The following PPP2R2C variants were observed in gnomAD, a reference collection of about 807,000 sequenced individuals.
The protein encoded by PPP2R2C is protein phosphatase 2 regulatory subunit Bgamma.
Under a neutral mutation model 45.3 loss-of-function variants are expected in PPP2R2C, and 10 were observed. The observed-to-expected ratio is 0.22, with a 90% CI of 0.14 to 0.37. PPP2R2C has a LOEUF of 0.37. Among genes scored for constraint, PPP2R2C ranks in the 10% least tolerant of loss-of-function variants. The pLI is 1.00. For synonymous variants in PPP2R2C, 257 were observed against 245.4 expected (o/e 1.05, Z -0.44); for missense variants, 308 against 619.7 (o/e 0.50, Z 5.34).
At chr4:6,367,515 C>A (rs961103809) in intron 5 of PPP2R2C, among the ~76,000 whole-genome samples, 3 of 152,288 alleles carry the variant, frequency 2.0e-5, no homozygotes, top group Non-Finnish European at 4.4e-5. Context: ...CAGCCAGAAT[C>A]CACCCCACTG....
At position 6,511,541 on chromosome 4, in the gene PPP2R2C, T is replaced by C. The variant is rs1240640340; in HGVS notation, c.49+23730A>G. Among the ~76,000 whole-genome samples the C allele has an allele frequency of 9.6e-4, 31 of 32,176 alleles. 1 individual carries two copies. The highest frequency in any genetic ancestry group is 2.2e-3 in the African/African-American group (25 of 11,144). 21.1% of individuals were successfully genotyped at this position (32,176 alleles called of 152,430 possible). ...GTGGTGGTGATGGTGGTGGTGGTGG[T>C]GGTGATGGTGGTGGTGGTGGTGGTG... On this transcript the variant is annotated intron_variant, in intron 2 of 9. Coordinates refer to the PPP2R2C transcript ENST00000506140.
intron 1 of PPP2R2C, among the ~76,000 whole-genome samples, chr4:6,390,743 C>T (rs1460432475): frequency 1.3e-5 from 2 of 152,196 alleles, no homozygotes; most frequent in East Asian, 3.9e-4. Context: ...GCCGCAGGGC[C>T]ACCGGGGTCA....
At chr4:6,501,683 C>T (rs143163671) in intron 2 of PPP2R2C, among the ~76,000 whole-genome samples, 22 of 152,308 alleles carry the variant, frequency 1.4e-4, no homozygotes, top group African/African-American at 4.3e-4. Context: ...GGAAGGCATG[C>T]GTGTTGGCCC....
intron 1 of PPP2R2C, among the ~76,000 whole-genome samples, chr4:6,385,818 C>T (rs943955189): frequency 2.6e-5 from 4 of 152,118 alleles, no homozygotes; most frequent in Non-Finnish European, 5.9e-5. Context: ...CTGCCCACCT[C>T]GACCTCCCAA....
At chr4:6,422,582 G>T (rs1008990955) in intron 1 of PPP2R2C, among the ~76,000 whole-genome samples, 1 of 152,190 alleles carries the variant, frequency 6.6e-6, no homozygotes, top group South Asian at 2.1e-4. Flanking sequence ...GGTGTCAGCA[G>T]GATGGTTTCT....
At chr4:6,347,786 A>AC in intron 6 of PPP2R2C, 60 bp downstream of exon 6, 2 of 1,409,216 alleles carry the variant, frequency 1.4e-6, no homozygotes, top group Non-Finnish European at 1.9e-6. Context: ...CCAGGACAGG[A>AC]CATCCCACCC....
At chr4:6,504,008 T>C (rs1723141037) in intron 2 of PPP2R2C, among the ~76,000 whole-genome samples, 1 of 152,216 alleles carries the variant, frequency 6.6e-6, no homozygotes, top group African/African-American at 2.4e-5. Context: ...AAATGTTTCA[T>C]GCTTTGTGGC....
intron 5 of PPP2R2C, among the ~76,000 whole-genome samples, chr4:6,363,212 G>A (rs996300074): frequency 1.3e-5 from 2 of 152,190 alleles, no homozygotes; most frequent in South Asian, 2.1e-4. Flanking sequence ...TTGTGTGCTG[G>A]TAACTTGAAC....
chr4:6,511,242 GGTGAT>G (rs1723443760), intron 2 of PPP2R2C, among the ~76,000 whole-genome samples: 2 of 101,110 alleles, frequency 2.0e-5, no homozygotes, highest in Non-Finnish European at 3.8e-5. Flanking sequence ...TCGTTCCGCT[GGTGAT>G]GCTGATGCTG....
chr4:6,357,451 C>T (rs1713309958), intron 5 of PPP2R2C, among the ~76,000 whole-genome samples: 2 of 152,228 alleles, frequency 1.3e-5, no homozygotes, highest in South Asian at 4.1e-4. Context: ...ACTGCAAGGA[C>T]TCAACTCTGC....
At chr4:6,451,340 C>T (rs6836154) in intron 1 of PPP2R2C, among the ~76,000 whole-genome samples, 11 of 152,150 alleles carry the variant, frequency 7.2e-5, no homozygotes, top group East Asian at 1.9e-4. Context: ...CTTCTCGGCA[C>T]GGCCCACAGC....
intron 1 of PPP2R2C, among the ~76,000 whole-genome samples, chr4:6,461,202 G>A (rs1279947463): frequency 2.0e-5 from 3 of 152,182 alleles, no homozygotes; most frequent in Non-Finnish European, 4.4e-5. Context: ...TCACAGCACC[G>A]TGCACGTGTG....
chr4:6,382,402 C>T, intron 1 of PPP2R2C: 2 of 1,351,174 alleles, frequency 1.5e-6, no homozygotes. Context: ...GGACACTCCA[C>T]AGGGTTCCCT....
chr4:6,415,468 A>G (rs953358788), intron 1 of PPP2R2C, among the ~76,000 whole-genome samples: 3 of 152,222 alleles, frequency 2.0e-5, no homozygotes, highest in African/African-American at 7.2e-5. Flanking sequence ...AACCACCTCC[A>G]GGTGCCTCCA....
Position 6,444,995 on chromosome 4 carries a change from G to A in PPP2R2C, c.70+27165C>T, listed in dbSNP as rs191099721. 1.6e-4 allele frequency among the ~76,000 whole-genome samples: 25 copies of A among 152,252 alleles called. No individual in the cohort carries two copies. The East Asian group carries it at 4.6e-3, about 28-fold the overall frequency. ...AGCCTAGGGGTTCCAGATCAGTCTG[G>A]GCAACATGGTGAGACCCCAACTCTA... On this transcript the variant is annotated intron_variant, in intron 1 of 8. Coordinates refer to ENST00000382599, the MANE Select transcript of PPP2R2C (RefSeq NM_020416.4).
In PPP2R2C at chr4:6,375,828, C is replaced by A; in HGVS notation, c.438G>T (p.Thr146=). The A allele has an allele frequency of 6.2e-7, 1 of 1,612,636 alleles. No individual in the cohort carries two copies. Among genetic ancestry groups the A allele is most frequent in the Non-Finnish European group, 8.5e-7 (1 of 1,179,186 alleles). Residue 146 remains threonine, a synonymous_variant, in exon 4 of 9, where the codon ACG becomes ACT. Transcript: ENST00000382599. ...CCTCACCGGAGCTCACCTGCAGTGA[C>A]GTCACCGTGGACAGGTCCTTAAGTT... ...EGKLKDLSTV[T]SLQVPVLKPM... is the part of the protein sequence containing the mutation.
intron 2 of PPP2R2C, among the ~76,000 whole-genome samples, chr4:6,529,549 T>C (rs533595733): frequency 1.2e-4 from 18 of 152,334 alleles, no homozygotes; most frequent in African/African-American, 4.3e-4. Flanking sequence ...AGCTCAGCCC[T>C]GTGCCCCCAT....
intron 6 of PPP2R2C, among the ~76,000 whole-genome samples, chr4:6,338,780 T>A (rs891142736): frequency 6.6e-6 from 1 of 152,146 alleles, no homozygotes; most frequent in Admixed American, 6.5e-5. Context: ...CTCCTCAATG[T>A]TGAGCCCTAG....
intron 1 of PPP2R2C, among the ~76,000 whole-genome samples, chr4:6,428,009 G>C (rs1179992558): frequency 6.6e-6 from 1 of 152,152 alleles, no homozygotes; most frequent in East Asian, 1.9e-4. Context: ...AGAACAGCTG[G>C]GGTGCCAGGA....
Sources: gnomAD v4.1 joint callset for allele counts (sites outside exome capture counted in the v4.1 genomes callset) on GRCh38, gnomAD v4.1.1 for gene constraint, MANE v1.5 for transcripts, NCBI Gene and HGNC (gene_info 2026-07-23, HGNC 2026-07-21) for gene names.